NPSR1: variants seen among roughly 807,000 people sequenced by gnomAD.
NPSR1 encodes neuropeptide S receptor.
In NPSR1, 48 loss-of-function variants were observed where a neutral mutation model predicts 46.9. The observed-to-expected ratio is 1.02, with a 90% CI of 0.81 to 1.30. The LOEUF (loss-of-function observed/expected upper bound fraction) is 1.30, where lower values mean the gene tolerates loss of function less well. Ranked by LOEUF, NPSR1 falls within the 50% of genes most tolerant of loss-of-function variation. The probability of loss-of-function intolerance (pLI) is 0.00; values close to 1 mark genes in which losing one functional copy is unlikely to be tolerated. For missense variants in NPSR1, 450 were observed against 449.5 expected (o/e 1.00, Z -0.01); for synonymous variants, 176 against 168.1 (o/e 1.05, Z -0.36).
At chr7:34,829,130 G>A (rs748681085) in intron 5 of NPSR1, among the ~76,000 whole-genome samples, 7 of 152,084 alleles carry the variant, frequency 4.6e-5, no homozygotes, top group Admixed American at 2.0e-4. Context: ...TGGGAGAAAC[G>A]TTATCCATCA....
chr7:34,817,611 C>T (rs1202092495), intron 4 of NPSR1, among the ~76,000 whole-genome samples: 1 of 129,152 alleles, frequency 7.7e-6, no homozygotes, highest in African/African-American at 3.0e-5. Context: ...AGAGACAAAA[C>T]AAAAAAAAGA....
At chr7:34,779,759 T>C (rs1262847726) in intron 3 of NPSR1, 2 of 307,666 alleles carry the variant, frequency 6.5e-6, no homozygotes, top group Non-Finnish European at 1.2e-5. Context: ...TTCAATTGCT[T>C]ATTATATTAG....
intron 2 of NPSR1, among the ~76,000 whole-genome samples, chr7:34,764,080 A>G (rs569931278): frequency 6.6e-6 from 1 of 152,358 alleles, no homozygotes; most frequent in South Asian, 2.1e-4. Flanking sequence ...AAATTATAAA[A>G]GATAAATTGT....
intron 2 of NPSR1, among the ~76,000 whole-genome samples, chr7:34,730,689 C>T (rs1021420833): frequency 1.3e-5 from 2 of 152,154 alleles, no homozygotes; most frequent in African/African-American, 4.8e-5. Flanking sequence ...GCATGACACA[C>T]CCCACCTAAT....
chr7:34,806,137 T>C (rs1336913401), intron 3 of NPSR1, among the ~76,000 whole-genome samples: 1 of 152,112 alleles, frequency 6.6e-6, no homozygotes, highest in Non-Finnish European at 1.5e-5. Context: ...CTTACAAAAC[T>C]AAGCATGGTC....
chr7:34,660,524 C>G (rs1791402332), intron 1 of NPSR1, among the ~76,000 whole-genome samples: 1 of 140,474 alleles, frequency 7.1e-6, no homozygotes, highest in African/African-American at 3.0e-5. Flanking sequence ...CCTTTACTGT[C>G]TCCCAGATGT....
chr7:34,808,170 C>A (rs569043702), intron 3 of NPSR1, among the ~76,000 whole-genome samples: 4 of 152,228 alleles, frequency 2.6e-5, no homozygotes, highest in African/African-American at 9.6e-5. Context: ...AGGCAAGGGG[C>A]AGATTCTCCC....
chr7:34,851,788 C>T (rs559657155), downstream of NPSR1, among the ~76,000 whole-genome samples: 2 of 152,174 alleles, frequency 1.3e-5, no homozygotes, highest in Non-Finnish European at 2.9e-5. Context: ...GAGTGAGGGG[C>T]GTTGTGATCT....
chr7:34,759,056 T>C (rs146337579), intron 2 of NPSR1, among the ~76,000 whole-genome samples: 1 of 152,354 alleles, frequency 6.6e-6, no homozygotes, highest in Admixed American at 6.5e-5. Flanking sequence ...GGAATGATGC[T>C]ATGTTCCTCT....
intron 8 of NPSR1, among the ~76,000 whole-genome samples, chr7:34,861,178 T>C (rs534258856): frequency 1.3e-5 from 2 of 152,056 alleles, no homozygotes; most frequent in Non-Finnish European, 2.9e-5. Flanking sequence ...GGTGATTGCT[T>C]GAATTGAGGA....
At chr7:34,671,597 T>C (rs531406210) in intron 1 of NPSR1, among the ~76,000 whole-genome samples, 102 of 152,292 alleles carry the variant, frequency 6.7e-4, no homozygotes, top group Admixed American at 1.7e-3. Context: ...GCTGTATGAA[T>C]TGAGTGCACA....
chr7:34,736,822 AC>A (rs1182899122), intron 2 of NPSR1, among the ~76,000 whole-genome samples: 4 of 152,218 alleles, frequency 2.6e-5, no homozygotes, highest in African/African-American at 9.6e-5. Flanking sequence ...TACTTTAATA[AC>A]CTAGAACTCA....
intron 2 of NPSR1, among the ~76,000 whole-genome samples, chr7:34,762,905 G>T (rs1398433457): frequency 6.6e-6 from 1 of 152,170 alleles, no homozygotes; most frequent in Non-Finnish European, 1.5e-5. Flanking sequence ...AGCTTGCTAC[G>T]TATTCATTAT....
At chr7:34,767,091 C>A (rs1786472329) in intron 2 of NPSR1, among the ~76,000 whole-genome samples, 1 of 152,028 alleles carries the variant, frequency 6.6e-6, no homozygotes, top group Non-Finnish European at 1.5e-5. Flanking sequence ...AGTGACATGA[C>A]CTTATATGTA....
chr7:34,786,794 G>A (rs1164413175), intron 3 of NPSR1, among the ~76,000 whole-genome samples: 1 of 152,120 alleles, frequency 6.6e-6, no homozygotes, highest in Non-Finnish European at 1.5e-5. Flanking sequence ...ATTTGGAAAG[G>A]AATCTTTTTT....
chr7:34,689,119 C>G (rs956463303), intron 2 of NPSR1, among the ~76,000 whole-genome samples: 1 of 152,196 alleles, frequency 6.6e-6, no homozygotes, highest in Non-Finnish European at 1.5e-5. Context: ...CTAGCCCACC[C>G]ATCTTGGCCC....
chr7:34,708,958 G>T (rs2128700921), intron 2 of NPSR1, among the ~76,000 whole-genome samples: 1 of 152,216 alleles, frequency 6.6e-6, no homozygotes, highest in Admixed American at 6.5e-5. Context: ...TCTAGGAGAG[G>T]ATAATGAGGC....
intron 2 of NPSR1, among the ~76,000 whole-genome samples, chr7:34,722,788 G>A (rs1342087909): frequency 2.0e-5 from 3 of 152,178 alleles, no homozygotes; most frequent in African/African-American, 7.2e-5. Context: ...TGACAGTTCC[G>A]TATGTCAGCA....
intron 2 of NPSR1, among the ~76,000 whole-genome samples, chr7:34,766,843 G>A (rs1264931717): frequency 6.6e-6 from 1 of 152,196 alleles, no homozygotes; most frequent in East Asian, 1.9e-4. Flanking sequence ...AAAGTGCTGG[G>A]ATTACAGGTG....
Sources: gnomAD v4.1 joint callset for allele counts (sites outside exome capture counted in the v4.1 genomes callset) on GRCh38, gnomAD v4.1.1 for gene constraint, MANE v1.5 for transcripts, NCBI Gene and HGNC (gene_info 2026-07-23, HGNC 2026-07-21) for gene names.